The following SH3RF3 variants were observed in gnomAD, a reference collection of about 807,000 sequenced individuals.
SH3RF3 encodes E3 ubiquitin-protein ligase SH3RF3.
In SH3RF3, 29 loss-of-function variants were observed where a neutral mutation model predicts 66.3. The observed-to-expected ratio is 0.44, with a 90% confidence interval of 0.33 to 0.60. SH3RF3 has a LOEUF of 0.60. SH3RF3 is among the 20% of genes least tolerant of loss of function. The pLI, the probability that SH3RF3 is intolerant of heterozygous loss-of-function variation, is 0.04. For synonymous variants in SH3RF3, 583 were observed against 532.0 expected (o/e 1.10, Z -1.32); for missense variants, 1,194 against 1,190.9 (o/e 1.00, Z -0.04).
chr2:109,327,430 G>A (rs929213848), intron 1 of SH3RF3, among the ~76,000 whole-genome samples: 1 of 152,114 alleles, frequency 6.6e-6, no homozygotes. Context: ...CTTATTTAAA[G>A]CTTTGATATT....
chr2:109,276,292 G>T (rs1183202848), intron 1 of SH3RF3, among the ~76,000 whole-genome samples: 1 of 152,214 alleles, frequency 6.6e-6, no homozygotes, highest in Non-Finnish European at 1.5e-5. Flanking sequence ...CTAGAAAAGG[G>T]TCACGATTAG....
chr2:109,257,048 C>A (rs1275333155), intron 1 of SH3RF3, among the ~76,000 whole-genome samples: 1 of 152,146 alleles, frequency 6.6e-6, no homozygotes, highest in Non-Finnish European at 1.5e-5. Flanking sequence ...CACTGTATGG[C>A]ATTTGAATGT....
rs1573294529 is a variant in SH3RF3 at position 109,490,619 on chromosome 2, T to G, written c.2163T>G (p.Ser721Arg). 1 of 1,445,616 alleles carries G rather than the reference T, an allele frequency of 6.9e-7. No homozygotes were observed. The highest frequency in any genetic ancestry group is 1.4e-5 in the South Asian group (1 of 71,318). 89.5% of individuals were successfully genotyped at this position (1,445,616 alleles called of 1,614,324 possible). The part of the protein sequence containing the change: ...EKKSEKKEKK[S>R]GLLKLLAGAS... ...TGTCTCCCCAGAAAGAGAAGAAGAG[T>G]GGGCTCCTGAAGCTTCTAGCCGGAG... Residue 721 changes from serine to arginine, a missense_variant, in exon 9 of 10, where the codon AGT becomes AGG. By Grantham distance (110) the Ser-to-Arg change is moderately radical. Coordinates refer to ENST00000309415, the MANE Select transcript of SH3RF3 (RefSeq NM_001099289.3).
Position 109,130,033 on chromosome 2 carries a change from GT to G in SH3RF3, c.497del (p.Phe166SerfsTer104). 3.7e-6 allele frequency: 5 copies of G among 1,352,748 alleles called. No individual in the cohort carries two copies. The highest frequency in any genetic ancestry group is 4.7e-6 in the Non-Finnish European group (5 of 1,055,362). The allele number at this position is 1,352,748 out of a possible 1,614,324, so 83.8% of individuals were successfully genotyped here. ...GGCAGGCAGCACCCCGGGTTCCCCG[GT>G]TTTCCTCTCCGCGGCCGCGGGCAGC... is the stretch of plus-strand genomic sequence containing the variant. ...GAAGSTPGSP[V>X]FLSAAAGSTA... On this transcript the variant is annotated frameshift_variant, in exon 1 of 10. Coordinates refer to ENST00000309415, the MANE Select transcript of SH3RF3 (RefSeq NM_001099289.3). LOFTEE classifies it high-confidence loss of function.
chr2:109,197,738 C>A (rs1678541271), intron 1 of SH3RF3, among the ~76,000 whole-genome samples: 1 of 152,240 alleles, frequency 6.6e-6, no homozygotes, highest in African/African-American at 2.4e-5. Context: ...AGAAGGGTGG[C>A]CCTGGCCCCT....
At chr2:109,437,861 G>A (rs1466143816) in intron 7 of SH3RF3, among the ~76,000 whole-genome samples, 6 of 152,112 alleles carry the variant, frequency 3.9e-5, no homozygotes, top group Non-Finnish European at 5.9e-5. Context: ...TGCTGGATTC[G>A]CAGGATGATC....
intron 3 of SH3RF3, among the ~76,000 whole-genome samples, chr2:109,385,297 A>T (rs553955581): frequency 6.6e-6 from 1 of 152,324 alleles, no homozygotes; most frequent in African/African-American, 2.4e-5. Flanking sequence ...AGGGAGAAGT[A>T]TGTGTTAGAA....
intron 5 of SH3RF3, among the ~76,000 whole-genome samples, chr2:109,430,831 T>C (rs1427985214): frequency 6.6e-6 from 1 of 152,136 alleles, no homozygotes; most frequent in African/African-American, 2.4e-5. Flanking sequence ...TCACTGTCAG[T>C]GTTCACCATT....
At chr2:109,481,377 T>C (rs1678829275) in intron 8 of SH3RF3, among the ~76,000 whole-genome samples, 1 of 152,154 alleles carries the variant, frequency 6.6e-6, no homozygotes, top group African/African-American at 2.4e-5. Context: ...TTATTGCGGC[T>C]ATGCTTCTGG....
intron 3 of SH3RF3, among the ~76,000 whole-genome samples, chr2:109,377,706 T>G (rs903545015): frequency 3.3e-5 from 5 of 151,902 alleles, no homozygotes; most frequent in Admixed American, 3.3e-4. Flanking sequence ...TTGAGAGTGC[T>G]TATCTTCAGC....
intron 1 of SH3RF3, among the ~76,000 whole-genome samples, chr2:109,160,931 T>C (rs971906025): frequency 2.6e-5 from 4 of 152,064 alleles, no homozygotes; most frequent in Non-Finnish European, 5.9e-5. Context: ...GATTAGAGCC[T>C]CAACCAGGGG....
chr2:109,454,594 A>G (rs1246870738), intron 8 of SH3RF3, among the ~76,000 whole-genome samples: 1 of 152,190 alleles, frequency 6.6e-6, no homozygotes, highest in Non-Finnish European at 1.5e-5. Context: ...TGGCCTGGCC[A>G]TGAGTTCCAC....
At position 109,129,514 on chromosome 2, in the gene SH3RF3, C is replaced by T. The variant is rs1676625171; in HGVS notation, c.-27C>T. 6.7e-7 allele frequency: 1 copy of T among 1,495,718 alleles called. No homozygotes were observed. Among genetic ancestry groups the T allele is most frequent in the Non-Finnish European group, 8.9e-7 (1 of 1,128,882 alleles). 92.7% of individuals were successfully genotyped at this position (1,495,718 alleles called of 1,614,324 possible). ...GCCGGCCCCGGGACCTAGGCAGCCG[C>T]GCGAGACCGCTGCGGGCGCCTCCCC... On this transcript the variant is annotated 5_prime_UTR_variant, in exon 1 of 10. Transcript: ENST00000309415.
At chr2:109,386,949 CT>C (rs995033225) in intron 3 of SH3RF3, among the ~76,000 whole-genome samples, 1 of 152,126 alleles carries the variant, frequency 6.6e-6, no homozygotes. Context: ...GCCTAATCTG[CT>C]TTTTTGTTTC....
chr2:109,400,979 T>A (rs555359378), intron 4 of SH3RF3, among the ~76,000 whole-genome samples: 1 of 152,300 alleles, frequency 6.6e-6, no homozygotes, highest in East Asian at 1.9e-4. Flanking sequence ...GCACCTCCTA[T>A]TTGGAAATTC....
At chr2:109,163,726 A>G (rs912298401) in intron 1 of SH3RF3, among the ~76,000 whole-genome samples, 9 of 152,076 alleles carry the variant, frequency 5.9e-5, no homozygotes, top group Admixed American at 3.3e-4. Context: ...TGGAGACTTC[A>G]CGATTCCACA....
chr2:109,191,157 C>T (rs1678345670), intron 1 of SH3RF3, among the ~76,000 whole-genome samples: 1 of 152,048 alleles, frequency 6.6e-6, no homozygotes, highest in Non-Finnish European at 1.5e-5. Context: ...AGAGGGTCCC[C>T]AACGTGCTAT....
intron 1 of SH3RF3, among the ~76,000 whole-genome samples, chr2:109,342,761 C>T (rs1175937806): frequency 1.3e-5 from 2 of 152,144 alleles, no homozygotes; most frequent in South Asian, 2.1e-4. Context: ...GAGATGGCGC[C>T]GTTGTGCCCA....
intron 1 of SH3RF3, among the ~76,000 whole-genome samples, chr2:109,296,780 A>G (rs1325175901): frequency 6.6e-6 from 1 of 152,288 alleles, no homozygotes; most frequent in Non-Finnish European, 1.5e-5. Context: ...GCGTGTGGGA[A>G]TAGGCAGTGG....
Sources: gnomAD v4.1 joint callset for allele counts (sites outside exome capture counted in the v4.1 genomes callset) on GRCh38, gnomAD v4.1.1 for gene constraint, MANE v1.5 for transcripts, NCBI Gene and HGNC (gene_info 2026-07-23, HGNC 2026-07-21) for gene names.